FCGR3A: variants seen among roughly 807,000 people sequenced by gnomAD.
FCGR3A encodes the protein low affinity immunoglobulin gamma Fc region receptor III-A.
FCGR3A carries 13 observed loss-of-function variants against 24.1 expected under a neutral mutation model. The observed-to-expected ratio is 0.54, with a 90% CI of 0.35 to 0.86. The LOEUF is 0.86. Among genes scored for constraint, FCGR3A ranks in the 40% least tolerant of loss-of-function variants. The pLI, the probability that FCGR3A is intolerant of heterozygous loss-of-function variation, is 0.01. For synonymous variants in FCGR3A, 93 were observed against 112.2 expected, an observed-to-expected ratio of 0.83 and a Z score of 1.08; for missense variants, 235 against 298.0, an observed-to-expected ratio of 0.79 and a Z score of 1.56.
intron 1 of FCGR3A, 152 bp downstream of exon 1, chr1:161,549,545 T>C: frequency 6.9e-7 from 1 of 1,447,666 alleles, no homozygotes; most frequent in Non-Finnish European, 9.1e-7. Flanking sequence ...TCTAGCCCCA[T>C]CTTGGCTTGT....
In FCGR3A at chr1:161,544,756, C is replaced by T; in HGVS notation, c.522G>A (p.Gly174=). The T allele has an allele frequency of 1.9e-6, 3 of 1,612,528 alleles. No individual in the cohort carries two copies. The highest frequency in any genetic ancestry group is 2.5e-6 in the Non-Finnish European group (3 of 1,178,728). Residue 174 remains glycine (G), a synonymous_variant, in exon 4 of 5, where the codon GGG becomes GGA. Transcript: ENST00000443193. ...AAGACACATTTTTACTCCCAAAAAGCCCCCTGCAGAAGTAGGAGCCGCTGT... is the reference window on the plus strand; with the variant it reads ...AAGACACATTTTTACTCCCAAAAAGTCCCCTGCAGAAGTAGGAGCCGCTGT... ...LKDSGSYFCR[G]LFGSKNVSSE...
chr1:161,549,026 C>A lies in FCGR3A; in HGVS notation c.46G>T (p.Ala16Ser), dbSNP rs1256079249. 6.3e-7 allele frequency: 1 copy of A among 1,592,130 alleles called. No homozygotes were observed. The highest frequency in any genetic ancestry group is 1.7e-5 in the Admixed American group (1 of 59,236). ...LPTALLLLVS[A>S]GMRTEDLPKA... ...GCTGACTCACCAGTCCGCATGCCAG[C>A]TGAAACTGCAAGAAAAAAGATAAAT... The change falls in exon 2 of 5, where the codon GCT becomes TCT. Residue 16 changes from alanine to serine, a missense_variant. Coordinates refer to ENST00000443193, the MANE Select transcript of FCGR3A (RefSeq NM_000569.8).
rs1224544490 is a variant in FCGR3A at position 161,548,611 on chromosome 1, C to T, written c.129G>A (p.Val43=). Residue 43 remains valine (V), a synonymous_variant, in exon 3 of 5, where the codon GTG becomes GTA. Transcript: ENST00000443193. ...AGTAGGCTCCCTGGCACTTCAGAGT[C>T]ACACTGTCCTTCTCGAGCACCCTGT... ...QWYRVLEKDS[V]TLKCQGAYSP... 3.1e-6 allele frequency: 5 copies of T among 1,613,830 alleles called. No homozygotes were observed. The highest frequency in any genetic ancestry group is 4.5e-5 in the East Asian group (2 of 44,902).
rs915304609 is a variant in FCGR3A at position 161,541,927 on chromosome 1, C to T, written c.*1085G>A. ...AAGCAACAATTGTCTTCTCCATCCC[C>T]ACCTCATTGGAACTGACATGATGAA... On this transcript the variant is annotated 3_prime_UTR_variant, in exon 5 of 5. Coordinates refer to ENST00000443193, the MANE Select transcript of FCGR3A (RefSeq NM_000569.8). 6.6e-6 allele frequency: 1 copy of T among 152,246 alleles called. No individual in the cohort carries two copies. Among genetic ancestry groups the T allele is most frequent in the African/African-American group, 2.4e-5 (1 of 41,394 alleles). The allele number at this position is 152,246 out of a possible 1,614,324, so 9.4% of individuals were successfully genotyped here. A position where few individuals can be genotyped will look rare whatever the true frequency, so the allele number is the denominator to read the frequency against.
chr1:161,549,017 G>A lies in FCGR3A; in HGVS notation c.55C>T (p.Arg19Trp), dbSNP rs370288605. 70 of 1,595,024 alleles carry A rather than the reference G, an allele frequency of 4.4e-5. 4 individuals carry two copies. The highest frequency in any genetic ancestry group is 6.7e-5 in the Admixed American group (4 of 59,354). ...ALLLLVSAGM[R>W]TEDLPKAVVF... is the part of the protein sequence containing the mutation. ...GACCATGAAGCTGACTCACCAGTCCGCATGCCAGCTGAAACTGCAAGAAAA... is the reference window on the plus strand; with the variant it reads ...GACCATGAAGCTGACTCACCAGTCCACATGCCAGCTGAAACTGCAAGAAAA... Residue 19 changes from arginine (R) to tryptophan (W), a missense_variant, in exon 2 of 5, where the codon CGG becomes TGG. Transcript: ENST00000443193.
At position 161,549,594 on chromosome 1, in the gene FCGR3A, G is replaced by T. The variant is rs529680206; in HGVS notation, c.40+103C>A. ...TCCACAGCTATAGATGTGGTGAGGGGTCCCATCCCTTCGTGGGAGTCTCAT... is the reference window on the plus strand; with the variant it reads ...TCCACAGCTATAGATGTGGTGAGGGTTCCCATCCCTTCGTGGGAGTCTCAT... On this transcript the variant is annotated intron_variant, in intron 1 of 4. Coordinates refer to ENST00000443193, the MANE Select transcript of FCGR3A (RefSeq NM_000569.8). 5.2e-6 allele frequency: 8 copies of T among 1,539,940 alleles called. No homozygotes were observed. The African/African-American group carries it at 5.5e-5, about 11-fold the overall frequency.
In FCGR3A at chr1:161,541,940, C is replaced by G. The variant is rs1677129977; in HGVS notation, c.*1072G>C. 1 of 152,208 alleles carries G rather than the reference C, an allele frequency of 6.6e-6. No individual in the cohort carries two copies. Among genetic ancestry groups the G allele is most frequent in the Non-Finnish European group, 1.5e-5 (1 of 68,020 alleles). The allele number at this position is 152,208 out of a possible 1,614,324, so 9.4% of individuals were successfully genotyped here. On this transcript the variant is annotated 3_prime_UTR_variant, in exon 5 of 5. Transcript: ENST00000443193. ...CTTCTCCATCCCCACCTCATTGGAACTGACATGATGAAGGATTTGAAAGTT... is the reference window on the plus strand; with the variant it reads ...CTTCTCCATCCCCACCTCATTGGAAGTGACATGATGAAGGATTTGAAAGTT...
chr1:161,550,051 TC>T, upstream of FCGR3A: 1 of 611,980 alleles, frequency 1.6e-6, no homozygotes, highest in Non-Finnish European at 2.9e-6. Context: ...CCCTCAGCCA[TC>T]CCAGGATGCT....
chr1:161,548,240 C>CATTT (rs1260749195), intron 3 of FCGR3A, among the ~76,000 whole-genome samples, 181 bp downstream of exon 3: 2 of 152,300 alleles, frequency 1.3e-5, no homozygotes, highest in African/African-American at 4.8e-5. Context: ...CAGGCTTTGA[C>CATTT]ATTTTGCCCA....
intron 3 of FCGR3A, among the ~76,000 whole-genome samples, chr1:161,547,902 T>G (rs1677503726): frequency 6.6e-6 from 1 of 152,420 alleles, no homozygotes; most frequent in Non-Finnish European, 1.5e-5. Context: ...AAACCCTGTC[T>G]CTACTAAAAA....
Position 161,549,801 on chromosome 1 carries a change from A to G in FCGR3A, c.-65T>C. 1.9e-6 allele frequency: 3 copies of G among 1,613,878 alleles called. No individual in the cohort carries two copies. The highest frequency in any genetic ancestry group is 2.2e-5 in the East Asian group (1 of 44,870). The stretch of plus-strand genomic sequence containing the variant: ...GAGCCCTAAAGGGACCAAACCGACT[A>G]GACAGGAGGAAGTAAACAGCCTTTC... On this transcript the variant is annotated 5_prime_UTR_variant, in exon 1 of 5. Transcript: ENST00000443193.
In FCGR3A at chr1:161,548,501, G is replaced by A. The variant is rs757234780; in HGVS notation, c.239C>T (p.Thr80Ile). ...CCTGTACTCTCCACTGTCGTCGACT[G>A]TGGCAGCGTCAATGAAGTAGCTCGA... ...QASSYFIDAA[T>I]VDDSGEYRCQ... Residue 80 changes from threonine (T) to isoleucine (I), a missense_variant, in exon 3 of 5, where the codon ACA becomes ATA. By Grantham distance (89) the Thr-to-Ile change is moderately conservative. Coordinates refer to ENST00000443193, the MANE Select transcript of FCGR3A (RefSeq NM_000569.8). 5 of 1,614,022 alleles carry A rather than the reference G, an allele frequency of 3.1e-6. No homozygotes were observed. The Admixed American group carries it at 8.3e-5, about 27-fold the overall frequency.
intron 3 of FCGR3A, among the ~76,000 whole-genome samples, chr1:161,546,792 C>T (rs564258995): frequency 6.6e-6 from 1 of 152,000 alleles, no homozygotes; most frequent in Admixed American, 6.6e-5. Flanking sequence ...GTAGTCCCAG[C>T]TACTTGGGAG....
At chr1:161,543,650 T>A (rs1361333122) in intron 4 of FCGR3A, among the ~76,000 whole-genome samples, 1 of 152,208 alleles carries the variant, frequency 6.6e-6, no homozygotes, top group Non-Finnish European at 1.5e-5. Flanking sequence ...GATCCACTCA[T>A]TGTTTACATG....
At chr1:161,548,205 C>T (rs1195579537) in intron 3 of FCGR3A, among the ~76,000 whole-genome samples, 1 of 152,308 alleles carries the variant, frequency 6.6e-6, no homozygotes, top group African/African-American at 2.4e-5. Flanking sequence ...TTGTGCAATG[C>T]AGCAGTCCTA....
At chr1:161,546,563 G>C (rs531648697) in intron 3 of FCGR3A, among the ~76,000 whole-genome samples, 3 of 152,094 alleles carry the variant, frequency 2.0e-5, no homozygotes, top group Middle Eastern at 3.4e-3. Flanking sequence ...TAAGAATAAA[G>C]GACTGCGGGG....
chr1:161,545,689 T>C (rs577206288), intron 3 of FCGR3A: 1 of 152,132 alleles, frequency 6.6e-6, no homozygotes, highest in Admixed American at 6.5e-5. Context: ...AGGAAATTCT[T>C]ATATCGCCAG....
chr1:161,544,690 A>T lies in FCGR3A; in HGVS notation c.577+11T>A. ...GCGTCCCTGGGCATTCCAGGGTGGC[A>T]CATGTCTCACCTTGAGTGATGGTGA... On this transcript the variant is annotated intron_variant, in intron 4 of 4. Coordinates refer to ENST00000443193, the MANE Select transcript of FCGR3A (RefSeq NM_000569.8). The T allele has an allele frequency of 6.2e-7, 1 of 1,610,890 alleles. No homozygotes were observed. The highest frequency in any genetic ancestry group is 2.2e-5 in the East Asian group (1 of 44,838).
At chr1:161,543,619 A>G (rs1484340719) in intron 4 of FCGR3A, among the ~76,000 whole-genome samples, 2 of 151,998 alleles carry the variant, frequency 1.3e-5, no homozygotes, top group East Asian at 3.9e-4. Flanking sequence ...GAATAGTTTA[A>G]TCTCGTATAT....
Sources: allele counts gnomAD v4.1 joint callset (sites outside exome capture counted in the v4.1 genomes callset), GRCh38; gene constraint gnomAD v4.1.1; transcripts MANE v1.5; gene names NCBI Gene and HGNC (gene_info 2026-07-23, HGNC 2026-07-21).